N4BP2: variants seen among roughly 807,000 people sequenced by gnomAD.
N4BP2 encodes NEDD4 binding protein 2.
N4BP2 carries 91 observed loss-of-function variants against 152.8 expected under a neutral mutation model. The observed-to-expected ratio is 0.60, with a 90% CI of 0.50 to 0.71. The LOEUF (loss-of-function observed/expected upper bound fraction) is 0.71. Ranked by LOEUF, N4BP2 falls within the 30% of genes least tolerant of loss-of-function variation. The pLI is 0.00. For missense variants in N4BP2, 1,923 were observed against 2,059.1 expected, an observed-to-expected ratio of 0.93 and a Z score of 1.28; for synonymous variants, 646 against 705.3, an observed-to-expected ratio of 0.92 and a Z score of 1.33.
At chr4:40,139,265 A>G (rs1367364159) in intron 14 of N4BP2, among the ~76,000 whole-genome samples, 1 of 151,910 alleles carries the variant, frequency 6.6e-6, no homozygotes, top group East Asian at 1.9e-4. Flanking sequence ...TTTTGATATT[A>G]CTTTTAAATT....
chr4:40,166,313 TAGG>T, the N4BP2 span, among the ~76,000 whole-genome samples: 3 of 151,984 alleles, frequency 2.0e-5, no homozygotes, highest in African/African-American at 7.3e-5. Context: ...GGGTCAGAGG[TAGG>T]AGAATTAGAT....
the N4BP2 span, among the ~76,000 whole-genome samples, chr4:40,189,886 A>G: frequency 6.6e-6 from 1 of 150,782 alleles, no homozygotes; most frequent in Non-Finnish European, 1.5e-5. This position sits in a 1 kb window ranked among gnomAD's most constrained non-coding sequence, Gnocchi z 4.3. Context: ...GAGAGGGGAG[A>G]GTCTGTCTCA....
In N4BP2 at chr4:40,091,085, A is replaced by G. The variant is rs534892079; in HGVS notation, c.-114-6142A>G. Among the ~76,000 whole-genome samples, 70 of 151,140 alleles carry G rather than the reference A, an allele frequency of 4.6e-4. 1 individual carries two copies. The South Asian group carries it at 0.014, about 29-fold the overall frequency. The stretch of plus-strand genomic sequence containing the variant: ...ATGTGTTTTTTGCTAGTATGTATAA[A>G]TACAGTTTCTTTTATATGTTTATCT... On this transcript the variant is annotated intron_variant, in intron 2 of 17. Transcript: ENST00000261435.
In N4BP2 at chr4:40,154,478, A is replaced by G. The variant is rs55916486; in HGVS notation, c.*241A>G. 2.5e-5 allele frequency: 10 copies of G among 393,678 alleles called. No individual in the cohort carries two copies. Among genetic ancestry groups the G allele is most frequent in the Non-Finnish European group, 4.5e-5 (10 of 222,388 alleles). 24.4% of individuals were successfully genotyped at this position (393,678 alleles called of 1,614,324 possible). On this transcript the variant is annotated 3_prime_UTR_variant, in exon 18 of 18. Coordinates refer to ENST00000261435, the MANE Select transcript of N4BP2 (RefSeq NM_018177.6). ...TTTTATTGATTACAAAATATGTAAGAAAATTATCAGCTACAGTTTTAAAGT... is the reference window on the plus strand; with the variant it reads ...TTTTATTGATTACAAAATATGTAAGGAAATTATCAGCTACAGTTTTAAAGT...
At chr4:40,090,953 A>AAGTTGTG (rs71194970) in intron 2 of N4BP2, among the ~76,000 whole-genome samples, 2 of 4,818 alleles carry the variant, frequency 4.2e-4, no homozygotes, top group Non-Finnish European at 8.9e-4. Flanking sequence ...AAAAAAAAAA[A>AAGTTGTG]GTTTATAAGA....
intron 11 of N4BP2, 129 bp from the exon 12 acceptor site, chr4:40,126,005 G>A: frequency 2.0e-6 from 1 of 499,398 alleles, no homozygotes; most frequent in Non-Finnish European, 3.5e-6. Flanking sequence ...TTTCAGAGTT[G>A]TGTTATATTT....
intron 1 of N4BP2, among the ~76,000 whole-genome samples, chr4:40,067,606 A>G (rs1711664131): frequency 1.3e-5 from 2 of 152,144 alleles, no homozygotes; most frequent in Non-Finnish European, 2.9e-5. Flanking sequence ...AGGAACTGCC[A>G]TACCCTTTGC....
the N4BP2 span, among the ~76,000 whole-genome samples, chr4:40,185,273 T>C: frequency 6.6e-6 from 1 of 152,198 alleles, no homozygotes; most frequent in Admixed American, 6.5e-5. Context: ...TTCACTTTTC[T>C]CATTTACAAA....
intron 14 of N4BP2, among the ~76,000 whole-genome samples, chr4:40,141,159 G>C (rs1243341708): frequency 6.6e-6 from 1 of 151,984 alleles, no homozygotes; most frequent in Non-Finnish European, 1.5e-5. Flanking sequence ...CCTCCCAGTA[G>C]GGGCAGCCGG....
rs192579285 is a variant in N4BP2, at chr4:40,135,631, C to T, written c.4647-1313C>T. Among the ~76,000 whole-genome samples the T allele has an allele frequency of 3.5e-3, 528 of 152,276 alleles. 2 individuals carry two copies. The highest frequency in any genetic ancestry group is 5.0e-3 in the Admixed American group (77 of 15,294). Reference sequence around the variant, plus strand: ...AGGCTGGAGTGCAGTGGCACCATCTCGGCTCACTGCAACCTCTGCCTCCTG... The same window carrying T: ...AGGCTGGAGTGCAGTGGCACCATCTTGGCTCACTGCAACCTCTGCCTCCTG... On this transcript the variant is annotated intron_variant, in intron 13 of 17. Coordinates refer to ENST00000261435, the MANE Select transcript of N4BP2 (RefSeq NM_018177.6).
chr4:40,160,490 C>T (rs1213652138), downstream of N4BP2, among the ~76,000 whole-genome samples: 1 of 152,178 alleles, frequency 6.6e-6, no homozygotes, highest in Admixed American at 6.5e-5. Context: ...CCTAGTCAGC[C>T]ACGCTAACGT....
At chr4:40,133,686 C>A (rs1480157138) in intron 13 of N4BP2, among the ~76,000 whole-genome samples, 1 of 152,156 alleles carries the variant, frequency 6.6e-6, no homozygotes, top group East Asian at 1.9e-4. Flanking sequence ...TAGACTTGGA[C>A]CCCATTCCCA....
the N4BP2 span, among the ~76,000 whole-genome samples, chr4:40,175,982 T>C: frequency 1.3e-4 from 20 of 148,888 alleles, no homozygotes; most frequent in African/African-American, 1.0e-4. Context: ...CCCAGCTACT[T>C]GGGAGGCTGA....
intron 12 of N4BP2, 22 bp downstream of exon 12, chr4:40,126,352 AAGCTACTGTCTCTG>A: frequency 1.7e-6 from 2 of 1,210,048 alleles, no homozygotes; most frequent in Non-Finnish European, 2.3e-6. Context: ...TATAAATATT[AAGCTACTGTCTCTG>A]ATTCTGGTTT....
chr4:40,146,354 G>A (rs1184149130), intron 16 of N4BP2, among the ~76,000 whole-genome samples: 31 of 151,882 alleles, frequency 2.0e-4, no homozygotes, highest in Admixed American at 2.0e-3. Context: ...TAGGCCCCCT[G>A]TTAATAACTT....
At chr4:40,103,739 G>A (rs1283950087) in intron 4 of N4BP2, among the ~76,000 whole-genome samples, 2 of 152,158 alleles carry the variant, frequency 1.3e-5, no homozygotes, top group African/African-American at 4.8e-5. Flanking sequence ...TTCCAAAATA[G>A]AGTACCATCA....
intron 17 of N4BP2, 77 bp downstream of exon 17, chr4:40,152,980 TTC>T: frequency 6.8e-7 from 1 of 1,469,902 alleles, no homozygotes; most frequent in Non-Finnish European, 9.4e-7. Flanking sequence ...GAGTATAGAT[TTC>T]TGTTATTGAT....
Position 40,112,076 on chromosome 4 carries a change from T to C in N4BP2, c.1499-8T>C. The C allele has an allele frequency of 7.2e-7, 1 of 1,389,630 alleles. No homozygotes were observed. 86.1% of individuals were successfully genotyped at this position (1,389,630 alleles called of 1,614,324 possible). A position where few individuals can be genotyped will look rare whatever the true frequency, so the allele number is the denominator to read the frequency against. On this transcript the variant is annotated splice_polypyrimidine_tract_variant and splice_region_variant and intron_variant, in intron 5 of 17. Transcript: ENST00000261435. Reference sequence around the variant, plus strand: ...AAAAATGATTTTTAATTATGTTATGTTTTTCAGCAAAAGAAGCATTTGAGA... The same window carrying C: ...AAAAATGATTTTTAATTATGTTATGCTTTTCAGCAAAAGAAGCATTTGAGA...
chr4:40,178,109 G>A, the N4BP2 span, among the ~76,000 whole-genome samples: 2 of 152,090 alleles, frequency 1.3e-5, no homozygotes, highest in Admixed American at 6.5e-5. Flanking sequence ...GCAGTGAGCC[G>A]AGATCATGCC....
Sources: allele counts gnomAD v4.1 joint callset (sites outside exome capture counted in the v4.1 genomes callset), GRCh38; gene constraint gnomAD v4.1.1; non-coding constraint Gnocchi (gnomAD v3.1); transcripts MANE v1.5; gene names NCBI Gene and HGNC (gene_info 2026-07-23, HGNC 2026-07-21).